The following COL23A1 variants were observed in gnomAD, a reference collection of about 807,000 sequenced individuals.
COL23A1 encodes collagen type XXIII alpha 1 chain, also known as collagen alpha-1(XXIII) chain.
In COL23A1, 97 loss-of-function variants were observed where a neutral mutation model predicts 99.3. The ratio of observed to expected loss-of-function variants is 0.98; its 90% confidence interval spans 0.83 to 1.16. The LOEUF is 1.16. COL23A1 is among the 50% of genes most tolerant of loss of function. The pLI, the probability that COL23A1 is intolerant of heterozygous loss-of-function variation, is 0.00. For synonymous variants in COL23A1, 320 were observed against 308.2 expected, an observed-to-expected ratio of 1.04 and a Z score of -0.40; for missense variants, 762 against 757.4, an observed-to-expected ratio of 1.01 and a Z score of -0.07.
rs375433031 is a variant in COL23A1, at chr5:178,269,287, TCATCCATCCATC to T, written c.469-543_469-532del. Among the ~76,000 whole-genome samples, 599 of 140,150 alleles carry T rather than the reference TCATCCATCCATC, an allele frequency of 4.3e-3. 1 individual carries two copies. Among genetic ancestry groups the T allele is most frequent in the Middle Eastern group, 0.011 (3 of 276 alleles). 91.9% of individuals were successfully genotyped at this position (140,150 alleles called of 152,430 possible). ...TTCCATCTGTCCATCCCTGTATGAG[TCATCCATCCATC>T]CATCCATCCATCCATCCATCCATCC... On this transcript the variant is annotated intron_variant, in intron 6 of 28. Transcript: ENST00000390654.
chr5:178,321,143 A>G (rs2973696), intron 2 of COL23A1, among the ~76,000 whole-genome samples: 61,243 of 152,198 alleles, frequency 0.4, 12,800 homozygotes, highest in African/African-American at 0.48. Flanking sequence ...GGTAGAATAC[A>G]TAGCATGAAA....
chr5:178,483,188 A>C (rs1271115297), intron 2 of COL23A1, among the ~76,000 whole-genome samples: 1 of 152,264 alleles, frequency 6.6e-6, no homozygotes, highest in Admixed American at 6.5e-5. Flanking sequence ...TCTTAAGGCA[A>C]TGTTATGCAG....
At chr5:178,546,959 G>A (rs1761614967) in intron 2 of COL23A1, among the ~76,000 whole-genome samples, 4 of 152,192 alleles carry the variant, frequency 2.6e-5, no homozygotes, top group Non-Finnish European at 5.9e-5. Context: ...CTCCAGGGCA[G>A]AGAAGCCGGA....
At chr5:178,355,532 GTTTGTTTTT>G (rs1761593461) in intron 2 of COL23A1, among the ~76,000 whole-genome samples, 1 of 152,100 alleles carries the variant, frequency 6.6e-6, no homozygotes, top group Admixed American at 6.5e-5. Context: ...AAGAAAAGAG[GTTTGTTTTT>G]ATTTTTTTGG....
intron 2 of COL23A1, among the ~76,000 whole-genome samples, chr5:178,317,039 T>C (rs1561855516): frequency 6.6e-6 from 1 of 152,322 alleles, no homozygotes; most frequent in Non-Finnish European, 1.5e-5. Context: ...CTCAGACTAA[T>C]GTTTGACACA....
At chr5:178,582,296 A>G (rs1324512113) in intron 1 of COL23A1, among the ~76,000 whole-genome samples, 2 of 149,988 alleles carry the variant, frequency 1.3e-5, no homozygotes, top group Non-Finnish European at 3.0e-5. Context: ...TAGGTAAAGG[A>G]GGCAGCCACA....
intron 2 of COL23A1, among the ~76,000 whole-genome samples, chr5:178,524,730 T>C (rs1760212916): frequency 6.6e-6 from 1 of 152,166 alleles, no homozygotes; most frequent in Admixed American, 6.5e-5. Context: ...TGACGCCTCC[T>C]ATGCCCCTGA....
At chr5:178,381,120 G>T (rs907953044) in intron 2 of COL23A1, among the ~76,000 whole-genome samples, 2 of 152,164 alleles carry the variant, frequency 1.3e-5, no homozygotes, top group Non-Finnish European at 2.9e-5. Flanking sequence ...AAGTGGAGTG[G>T]GGTTCTGCCA....
intron 2 of COL23A1, among the ~76,000 whole-genome samples, chr5:178,323,183 G>T (rs1241407559): frequency 6.6e-6 from 1 of 152,146 alleles, no homozygotes; most frequent in Non-Finnish European, 1.5e-5. Context: ...AGACCCAAAT[G>T]GTCCTCACCA....
chr5:178,337,969 G>A (rs545768778), intron 2 of COL23A1, among the ~76,000 whole-genome samples: 6 of 152,140 alleles, frequency 3.9e-5, no homozygotes, highest in East Asian at 3.9e-4. Flanking sequence ...TGTGTTTTGC[G>A]TGTATCATTT....
intron 2 of COL23A1, among the ~76,000 whole-genome samples, chr5:178,404,504 A>G (rs1423961897): frequency 8.4e-6 from 1 of 119,314 alleles, no homozygotes; most frequent in African/African-American, 4.1e-5. Context: ...AGACAAAGGC[A>G]CCAAGGCATG....
At chr5:178,425,052 TC>T (rs1346478374) in intron 2 of COL23A1, among the ~76,000 whole-genome samples, 1 of 152,168 alleles carries the variant, frequency 6.6e-6, no homozygotes, top group African/African-American at 2.4e-5. Context: ...TAGAATTTCT[TC>T]CTCTGTAAGA....
chr5:178,249,608 A>T (rs1764901738), intron 18 of COL23A1, among the ~76,000 whole-genome samples: 1 of 151,976 alleles, frequency 6.6e-6, no homozygotes, highest in East Asian at 1.9e-4. Context: ...TGAGACACAC[A>T]CTGCGGACCC....
chr5:178,444,179 C>T (rs965368931), intron 2 of COL23A1, among the ~76,000 whole-genome samples: 2 of 152,136 alleles, frequency 1.3e-5, no homozygotes, highest in African/African-American at 4.8e-5. Context: ...GCCGGGGTTA[C>T]AGAGCAAGAT....
intron 2 of COL23A1, among the ~76,000 whole-genome samples, chr5:178,430,405 T>G (rs1186974599): frequency 1.3e-5 from 2 of 152,286 alleles, no homozygotes; most frequent in East Asian, 3.9e-4. Flanking sequence ...AATTCCATCC[T>G]GGGGCTCATA....
chr5:178,466,671 C>A (rs1225251484), intron 2 of COL23A1, among the ~76,000 whole-genome samples: 1 of 152,236 alleles, frequency 6.6e-6, no homozygotes, highest in African/African-American at 2.4e-5. Context: ...GCCTGCAGCC[C>A]CTTGGCCATG....
intron 2 of COL23A1, among the ~76,000 whole-genome samples, chr5:178,316,029 AT>A (rs918523521): frequency 3.9e-5 from 6 of 152,000 alleles, no homozygotes; most frequent in Non-Finnish European, 7.4e-5. Context: ...ACTGTGTTAA[AT>A]TTTTTTTCTT....
intron 1 of COL23A1, among the ~76,000 whole-genome samples, chr5:178,569,556 A>G (rs1301007684): frequency 2.0e-5 from 3 of 152,250 alleles, no homozygotes; most frequent in Non-Finnish European, 4.4e-5. Context: ...CTATTGCTGT[A>G]TAACAAATGC....
At chr5:178,536,375 C>T (rs181668733) in intron 2 of COL23A1, among the ~76,000 whole-genome samples, 4 of 152,354 alleles carry the variant, frequency 2.6e-5, no homozygotes, top group Admixed American at 6.5e-5. Flanking sequence ...ACCACATCAC[C>T]GGGAAACTCT....
Sources: allele counts gnomAD v4.1 joint callset (sites outside exome capture counted in the v4.1 genomes callset), GRCh38; gene constraint gnomAD v4.1.1; transcripts MANE v1.5; gene names NCBI Gene and HGNC (gene_info 2026-07-23, HGNC 2026-07-21).